MEGF11: variants seen among roughly 807,000 people sequenced by gnomAD.
MEGF11 encodes the protein multiple EGF like domains 11.
MEGF11 carries 126 observed loss-of-function variants against 146.6 expected under a neutral mutation model. The observed-to-expected ratio is 0.86, with a 90% CI of 0.74 to 1.00. The LOEUF (loss-of-function observed/expected upper bound fraction) is 1.00. MEGF11 is among the 50% of genes least tolerant of loss of function. MEGF11 has a pLI of 0.00. For synonymous variants in MEGF11, 532 were observed against 583.4 expected (o/e 0.91, Z 1.27); for missense variants, 1,509 against 1,521.2 (o/e 0.99, Z 0.13).
At chr15:65,992,596 G>A (rs898332707) in intron 5 of MEGF11, among the ~76,000 whole-genome samples, 6 of 151,904 alleles carry the variant, frequency 3.9e-5, no homozygotes, top group Non-Finnish European at 4.4e-5. Flanking sequence ...GGAGAGAGGA[G>A]GTGGGAAGAT....
chr15:66,150,213 G>A (rs1253520421), intron 1 of MEGF11, among the ~76,000 whole-genome samples: 2 of 152,220 alleles, frequency 1.3e-5, no homozygotes, highest in African/African-American at 2.4e-5. Context: ...AGGGGAGAAC[G>A]GCAGTTCAAA....
At chr15:66,128,031 T>G (rs2088457159) in intron 2 of MEGF11, among the ~76,000 whole-genome samples, 1 of 152,228 alleles carries the variant, frequency 6.6e-6, no homozygotes, top group South Asian at 2.1e-4. Context: ...TCTGTGTCTC[T>G]ACTTTCTCAT....
At chr15:66,107,062 A>ACCTCC (rs10666321) in intron 4 of MEGF11, among the ~76,000 whole-genome samples, 1 of 150,234 alleles carries the variant, frequency 6.7e-6, no homozygotes. Flanking sequence ...CTACCCCCCC[A>ACCTCC]CCAGGTATAG....
chr15:66,206,491 A>G (rs1194415889), intron 1 of MEGF11, among the ~76,000 whole-genome samples: 12 of 152,244 alleles, frequency 7.9e-5, no homozygotes, highest in Non-Finnish European at 1.8e-4. Context: ...ATGCATGATT[A>G]TTACACTTCT....
chr15:65,903,970 G>T (rs1043900691), intron 24 of MEGF11, among the ~76,000 whole-genome samples: 1 of 152,136 alleles, frequency 6.6e-6, no homozygotes, highest in African/African-American at 2.4e-5. Flanking sequence ...ATAAGATCTG[G>T]CTGGCTGCCT....
At chr15:66,097,334 G>C (rs2140715305) in intron 4 of MEGF11, among the ~76,000 whole-genome samples, 1 of 152,262 alleles carries the variant, frequency 6.6e-6, no homozygotes. Context: ...CGCTGGGGCG[G>C]CTGACTCCTA....
chr15:65,959,508 T>TCAAAA (rs953909792), intron 9 of MEGF11, among the ~76,000 whole-genome samples: 3 of 152,230 alleles, frequency 2.0e-5, no homozygotes, highest in Admixed American at 1.3e-4. Flanking sequence ...GGTAAAGGTT[T>TCAAAA]CAAAACAATC....
At chr15:66,234,405 T>C (rs1014543173) in intron 1 of MEGF11, among the ~76,000 whole-genome samples, 3 of 152,240 alleles carry the variant, frequency 2.0e-5, no homozygotes, top group Admixed American at 2.0e-4. Context: ...TCAACTTCAG[T>C]CCTCTGGCTA....
At chr15:65,910,136 G>A (rs1330726809) in intron 21 of MEGF11, 4 of 488,988 alleles carry the variant, frequency 8.2e-6, no homozygotes, top group South Asian at 3.6e-5. Flanking sequence ...GGGGCCTCTG[G>A]TGATGTCTCA....
chr15:66,230,091 G>A (rs2091938115), intron 1 of MEGF11, among the ~76,000 whole-genome samples: 1 of 152,162 alleles, frequency 6.6e-6, no homozygotes, highest in South Asian at 2.1e-4. Context: ...CTAGGGTTTA[G>A]GCGGCTGTGT....
chr15:66,184,422 A>C (rs1210869099), intron 1 of MEGF11, among the ~76,000 whole-genome samples: 1 of 151,786 alleles, frequency 6.6e-6, no homozygotes, highest in African/African-American at 2.4e-5. Context: ...CGCCCTAAGA[A>C]TCCGTGCCCC....
chr15:66,063,475 G>T (rs1445244738), intron 5 of MEGF11, among the ~76,000 whole-genome samples: 1 of 152,204 alleles, frequency 6.6e-6, no homozygotes, highest in Non-Finnish European at 1.5e-5. Context: ...GGCCTGGAAA[G>T]CCTGGGGAAG....
intron 5 of MEGF11, among the ~76,000 whole-genome samples, chr15:66,068,422 C>G (rs151243939): frequency 7.0e-4 from 106 of 152,302 alleles, no homozygotes; most frequent in African/African-American, 2.4e-3. Flanking sequence ...TCTTTCTCCA[C>G]AACTGTGACA....
chr15:65,909,885 G>T, intron 21 of MEGF11, 79 bp from the exon 22 acceptor site: 1 of 1,233,108 alleles, frequency 8.1e-7, no homozygotes, highest in Non-Finnish European at 1.1e-6. Context: ...CGTAGCTTCA[G>T]TGCACACACC....
chr15:66,146,702 A>G (rs1268927072), intron 1 of MEGF11, among the ~76,000 whole-genome samples: 1 of 152,214 alleles, frequency 6.6e-6, no homozygotes, highest in Non-Finnish European at 1.5e-5. Flanking sequence ...TTCTGTCCCG[A>G]TCTCACTGTG....
At position 65,895,414 on chromosome 15, in the gene MEGF11, T is replaced by G. The variant is rs1451067552; in HGVS notation, c.*2520A>C. On this transcript the variant is annotated 3_prime_UTR_variant, in exon 26 of 26. Transcript: ENST00000395614. ...GCCGTTTCATAGTCTCATTAATACC[T>G]CTGTACAATAATGGTTTTTCTTTCA... 6.5e-6 allele frequency: 1 copy of G among 152,680 alleles called. No homozygotes were observed. The highest frequency in any genetic ancestry group is 2.4e-5 in the African/African-American group (1 of 41,458). 9.5% of individuals were successfully genotyped at this position (152,680 alleles called of 1,614,324 possible).
chr15:66,051,049 A>G (rs2084427144), intron 5 of MEGF11, among the ~76,000 whole-genome samples: 1 of 152,238 alleles, frequency 6.6e-6, no homozygotes, highest in South Asian at 2.1e-4. Context: ...GACAGATATG[A>G]GCCCCAAAGG....
At chr15:66,080,724 C>G (rs2085812780) in intron 5 of MEGF11, among the ~76,000 whole-genome samples, 1 of 152,224 alleles carries the variant, frequency 6.6e-6, no homozygotes, top group Non-Finnish European at 1.5e-5. Flanking sequence ...ATAGCAGCTC[C>G]TCTTACTCAT....
chr15:66,008,143 T>G (rs1360206802), intron 5 of MEGF11, among the ~76,000 whole-genome samples: 4 of 152,140 alleles, frequency 2.6e-5, no homozygotes, highest in Non-Finnish European at 5.9e-5. Flanking sequence ...GGCCTGTGGT[T>G]TTCAACAATG....
Sources: gnomAD v4.1 joint callset for allele counts (sites outside exome capture counted in the v4.1 genomes callset) on GRCh38, gnomAD v4.1.1 for gene constraint, MANE v1.5 for transcripts, NCBI Gene and HGNC (gene_info 2026-07-23, HGNC 2026-07-21) for gene names.